Variants in RXFP3 observed in about 807,000 individuals in gnomAD.
The protein encoded by RXFP3 is relaxin family peptide receptor 3, also known as relaxin-3 receptor 1.
In RXFP3, 31 loss-of-function variants were observed where a neutral mutation model predicts 27.3. That is an observed-to-expected ratio of 1.13 (90% CI 0.85 to 1.53). RXFP3 has a LOEUF of 1.53. RXFP3 is among the 40% of genes most tolerant of loss of function. The pLI is 0.00. For missense variants in RXFP3, 684 were observed against 642.1 expected (o/e 1.07, Z -0.70); for synonymous variants, 351 against 293.6 (o/e 1.20, Z -2.00).
In RXFP3 at chr5:33,938,489, G is replaced by A. The variant is rs2111884676; in HGVS notation, c.*339G>A. Reference sequence around the variant, plus strand: ...AGAAGCGAAGACAAGCAGCAAAAATGTAGAGAAATTGGCACGGGGAGCGGG... The same window carrying A: ...AGAAGCGAAGACAAGCAGCAAAAATATAGAGAAATTGGCACGGGGAGCGGG... On this transcript the variant is annotated 3_prime_UTR_variant, in exon 1 of 1. Coordinates refer to ENST00000330120, the MANE Select transcript of RXFP3 (RefSeq NM_016568.3). Among the ~76,000 whole-genome samples the A allele has an allele frequency of 6.6e-6, 1 of 152,340 alleles. No individual in the cohort carries two copies. Among genetic ancestry groups the A allele is most frequent in the Non-Finnish European group, 1.5e-5 (1 of 68,032 alleles).
At position 33,936,648 on chromosome 5, in the gene RXFP3, G is replaced by C. The variant is rs1751669195; in HGVS notation, c.-93G>C. ...CAGTAGCTGCTTTGAAAGCTCCCAC[G>C]CACGTCCCGCAGGCTAGCCTGGCAA... is the stretch of plus-strand genomic sequence containing the variant. On this transcript the variant is annotated 5_prime_UTR_variant, in exon 1 of 1. Coordinates refer to ENST00000330120, the MANE Select transcript of RXFP3 (RefSeq NM_016568.3). 5.6e-6 allele frequency: 7 copies of C among 1,252,456 alleles called. No homozygotes were observed. The highest frequency in any genetic ancestry group is 7.6e-6 in the Non-Finnish European group (7 of 921,192). The allele number at this position is 1,252,456 out of a possible 1,614,324, so 77.6% of individuals were successfully genotyped here.
chr5:33,938,594 A>G lies in RXFP3; in HGVS notation c.*444A>G, dbSNP rs140453628. On this transcript the variant is annotated 3_prime_UTR_variant, in exon 1 of 1. Transcript: ENST00000330120. ...GGAGAGGGCAGCCGTCGGCACAAACACTCCTTTGCGTCTTGGCAAACGAGA... is the reference window on the plus strand; with the variant it reads ...GGAGAGGGCAGCCGTCGGCACAAACGCTCCTTTGCGTCTTGGCAAACGAGA... Among the ~76,000 whole-genome samples, 41 of 151,800 alleles carry G rather than the reference A, an allele frequency of 2.7e-4. No homozygotes were observed. The highest frequency in any genetic ancestry group is 3.4e-3 in the Middle Eastern group (1 of 294).
chr5:33,937,919 C>G lies in RXFP3; in HGVS notation c.1179C>G (p.Arg393=). ...CLNPVLYCLV[R]REFRKALKSL... ...ACCCCGTCCTCTACTGCCTCGTGCG[C>G]CGCGAGTTCCGCAAGGCGCTCAAGA... The change falls in exon 1 of 1, where the codon CGC becomes CGG. Residue 393 remains arginine (R), a synonymous_variant. Coordinates refer to ENST00000330120, the MANE Select transcript of RXFP3 (RefSeq NM_016568.3). 6.2e-7 allele frequency: 1 copy of G among 1,613,742 alleles called. No individual in the cohort carries two copies. Among genetic ancestry groups the G allele is most frequent in the Non-Finnish European group, 8.5e-7 (1 of 1,180,040 alleles).
Position 33,938,163 on chromosome 5 carries a change from G to A in RXFP3, c.*13G>A. ...CTCTGCCTACTGACGCAGGCCTCAG[G>A]CCCAGGGCGCGCCGTCGGGGCAAGG... On this transcript the variant is annotated 3_prime_UTR_variant, in exon 1 of 1. Transcript: ENST00000330120. The A allele has an allele frequency of 6.4e-7, 1 of 1,561,420 alleles. No individual in the cohort carries two copies. The highest frequency in any genetic ancestry group is 8.6e-7 in the Non-Finnish European group (1 of 1,156,890).
Position 33,937,666 on chromosome 5 carries a change from C to A in RXFP3, c.926C>A (p.Ala309Asp), listed in dbSNP as rs760708016. 1 of 1,608,250 alleles carries A rather than the reference C, an allele frequency of 6.2e-7. No homozygotes were observed. The highest frequency in any genetic ancestry group is 8.5e-7 in the Non-Finnish European group (1 of 1,177,670). ...GGGACCAAAGGAGGGGCCGCGGTAG[C>A]CGGAGGACGCCCGACCGGAGCCAGC... ...AAGTKGGAAV[A>D]GGRPTGASAR... Residue 309 changes from alanine to aspartate, a missense_variant, in exon 1 of 1, where the codon GCC (alanine) becomes GAC (aspartate). Transcript: ENST00000330120.
In RXFP3 at chr5:33,938,204, G is replaced by C; in HGVS notation, c.*54G>C. ...CGGGGCAAGGTGGCCTTCCCCGGGCGGTAAAGAGGTGAAAGGATGAAGGAG... is the reference window on the plus strand; with the variant it reads ...CGGGGCAAGGTGGCCTTCCCCGGGCCGTAAAGAGGTGAAAGGATGAAGGAG... On this transcript the variant is annotated 3_prime_UTR_variant, in exon 1 of 1. Coordinates refer to ENST00000330120, the MANE Select transcript of RXFP3 (RefSeq NM_016568.3). 6.7e-7 allele frequency: 1 copy of C among 1,485,166 alleles called. No homozygotes were observed. Among genetic ancestry groups the C allele is most frequent in the Non-Finnish European group, 9.0e-7 (1 of 1,107,268 alleles). 92.0% of individuals were successfully genotyped at this position (1,485,166 alleles called of 1,614,324 possible). A position where few individuals can be genotyped will look rare whatever the true frequency, so the allele number is the denominator to read the frequency against.
Position 33,937,625 on chromosome 5 carries a change from C to T in RXFP3, c.885C>T (p.Ala295=), listed in dbSNP as rs781568508. 2 of 1,587,888 alleles carry T rather than the reference C, an allele frequency of 1.3e-6. No homozygotes were observed. Among genetic ancestry groups the T allele is most frequent in the African/African-American group, 1.3e-5 (1 of 74,190 alleles). The change falls in exon 1 of 1, where the codon GCC becomes GCT. Residue 295 remains alanine, a synonymous_variant. Coordinates refer to ENST00000330120, the MANE Select transcript of RXFP3 (RefSeq NM_016568.3). ...LCYLLLVRFI[A]DRRAAGTKGG... ...ACCTGCTGCTGGTGCGCTTCATCGC[C>T]GACCGCCGCGCGGCGGGGACCAAAG...
Position 33,937,033 on chromosome 5 carries a change from G to A in RXFP3, c.293G>A (p.Gly98Asp), listed in dbSNP as rs759240562. The change falls in exon 1 of 1, where the codon GGC (glycine) becomes GAC (aspartate). Residue 98 changes from glycine (G) to aspartate (D), a missense_variant. Physicochemically the swap from Gly to Asp is moderately conservative, Grantham distance 94. Coordinates refer to ENST00000330120, the MANE Select transcript of RXFP3 (RefSeq NM_016568.3). ...YWVVCALGLA[G>D]NLLVLYLMKS... ...GTGGTGTGCGCCCTGGGGTTGGCGG[G>A]CAACCTGCTGGTTCTCTACCTGATG... 7.4e-6 allele frequency: 12 copies of A among 1,614,156 alleles called. No individual in the cohort carries two copies. The highest frequency in any genetic ancestry group is 8.5e-6 in the Non-Finnish European group (10 of 1,180,032).
Position 33,938,870 on chromosome 5 carries a change from C to A in RXFP3, c.*720C>A, listed in dbSNP as rs171631. Among the ~76,000 whole-genome samples, 24,999 of 152,206 alleles carry A rather than the reference C, an allele frequency of 0.16. 3,779 individuals are homozygous for A. Among genetic ancestry groups the A allele is most frequent in the African/African-American group, 0.4 (16,661 of 41,490 alleles). On this transcript the variant is annotated 3_prime_UTR_variant, in exon 1 of 1. Transcript: ENST00000330120. ...CTCAGACGTTAGCAGGGGGATAACA[C>A]CTGTCACCAGCTTGGGAGAGCCATT...
Position 33,937,273 on chromosome 5 carries a change from T to C in RXFP3, c.533T>C (p.Val178Ala). Residue 178 changes from valine (V) to alanine (A), a missense_variant, in exon 1 of 1, where the codon GTG becomes GCG. Transcript: ENST00000330120. ...ASVFFLTAMS[V>A]TRYHSVASAL... ...GTGTTCTTCCTCACTGCCATGAGTGTGACGCGCTACCATTCGGTGGCCTCG... is the reference window on the plus strand; with the variant it reads ...GTGTTCTTCCTCACTGCCATGAGTGCGACGCGCTACCATTCGGTGGCCTCG... 2 of 1,613,760 alleles carry C rather than the reference T, an allele frequency of 1.2e-6. No homozygotes were observed. The highest frequency in any genetic ancestry group is 1.7e-6 in the Non-Finnish European group (2 of 1,179,996).
rs567011579 is a variant in RXFP3 at position 33,938,011 on chromosome 5, C to T, written c.1271C>T (p.Pro424Leu). 19 of 1,612,892 alleles carry T rather than the reference C, an allele frequency of 1.2e-5. No individual in the cohort carries two copies. Among genetic ancestry groups the T allele is most frequent in the Non-Finnish European group, 1.5e-5 (18 of 1,179,956 alleles). Residue 424 changes from proline (P) to leucine (L), a missense_variant, in exon 1 of 1, where the codon CCG becomes CTG. Pro to Leu is a moderately conservative substitution (Grantham distance 98). Coordinates refer to ENST00000330120, the MANE Select transcript of RXFP3 (RefSeq NM_016568.3). ...SMRPFTATTK[P>L]EHEDQGLQAP... ...CGCCCCTTCACCGCCACTACCAAGC[C>T]GGAGCACGAGGATCAGGGGCTGCAG...
chr5:33,937,211 C>T lies in RXFP3; in HGVS notation c.471C>T (p.Ile157=), dbSNP rs776196112. The change falls in exon 1 of 1, where the codon ATC becomes ATT. Residue 157 remains isoleucine, a synonymous_variant. Transcript: ENST00000330120. ...KWPFGKAMCK[I]VSMVTSMNMY... ...CCTTCGGCAAGGCCATGTGTAAGAT[C>T]GTGTCCATGGTGACGTCCATGAACA... is the stretch of plus-strand genomic sequence containing the variant. 1.2e-6 allele frequency: 2 copies of T among 1,614,198 alleles called. No homozygotes were observed. Among genetic ancestry groups the T allele is most frequent in the African/African-American group, 1.3e-5 (1 of 75,076 alleles).
Position 33,936,963 on chromosome 5 carries a change from GAC to G in RXFP3, c.227_228del (p.Thr76ArgfsTer69). 1 of 1,609,992 alleles carries G rather than the reference GAC, an allele frequency of 6.2e-7. No homozygotes were observed. Among genetic ancestry groups the G allele is most frequent in the Non-Finnish European group, 8.5e-7 (1 of 1,177,058 alleles). On this transcript the variant is annotated frameshift_variant, in exon 1 of 1. Coordinates refer to ENST00000330120, the MANE Select transcript of RXFP3 (RefSeq NM_016568.3). LOFTEE classifies it high-confidence loss of function. Reference sequence around the variant, plus strand: ...GGGCAGCGGCGGGGCAGAGAGCGCGGACACAGAGGCCCGGGTGCGGATTCTCA... The same window carrying G: ...GGGCAGCGGCGGGGCAGAGAGCGCGGACAGAGGCCCGGGTGCGGATTCTCA... ...PPGSGGAESA[D>X]TEARVRILIS...
Position 33,938,852 on chromosome 5 carries a change from G to C in RXFP3, c.*702G>C, listed in dbSNP as rs1223767140. 6.6e-6 allele frequency among the ~76,000 whole-genome samples: 1 copy of C among 152,218 alleles called. No homozygotes were observed. The highest frequency in any genetic ancestry group is 2.4e-5 in the African/African-American group (1 of 41,464). The stretch of plus-strand genomic sequence containing the variant: ...AGCTGCACAGCCCCGGAGCTCAGAC[G>C]TTAGCAGGGGGATAACACCTGTCAC... On this transcript the variant is annotated 3_prime_UTR_variant, in exon 1 of 1. Transcript: ENST00000330120.
rs965528796 is a variant in RXFP3 at position 33,937,351 on chromosome 5, G to A, written c.611G>A (p.Arg204Gln). Residue 204 changes from arginine to glutamine, a missense_variant, in exon 1 of 1, where the codon CGG (arginine) becomes CAG (glutamine). By Grantham distance (43) the Arg-to-Gln change is conservative. Coordinates refer to ENST00000330120, the MANE Select transcript of RXFP3 (RefSeq NM_016568.3). ...RGHGRGDCCG[R>Q]SLGDSCCFSA... ...CACGGCCGGGGCGACTGCTGCGGCC[G>A]GAGCCTGGGGGACAGCTGCTGCTTC... 3.1e-6 allele frequency: 5 copies of A among 1,612,558 alleles called. No individual in the cohort carries two copies. In the African/African-American group the frequency reaches 4.0e-5, roughly 13 times the overall value.
Position 33,938,167 on chromosome 5 carries a change from A to C in RXFP3, c.*17A>C. ...GCCTACTGACGCAGGCCTCAGGCCC[A>C]GGGCGCGCCGTCGGGGCAAGGTGGC... On this transcript the variant is annotated 3_prime_UTR_variant, in exon 1 of 1. Transcript: ENST00000330120. 1 of 1,557,414 alleles carries C rather than the reference A, an allele frequency of 6.4e-7. No homozygotes were observed. The highest frequency in any genetic ancestry group is 8.7e-7 in the Non-Finnish European group (1 of 1,155,104).
chr5:33,937,962 G>T lies in RXFP3; in HGVS notation c.1222G>T (p.Ala408Ser). ...GCTCAAGAGCCTGCTGTGGCGCATC[G>T]CGTCTCCTTCGATCACCAGCATGCG... ...KALKSLLWRI[A>S]SPSITSMRPF... is the part of the protein sequence containing the mutation. Residue 408 changes from alanine to serine, a missense_variant, in exon 1 of 1, where the codon GCG becomes TCG. By Grantham distance (99) the Ala-to-Ser change is moderately conservative. Transcript: ENST00000330120. The T allele has an allele frequency of 6.2e-7, 1 of 1,613,276 alleles. No individual in the cohort carries two copies. The highest frequency in any genetic ancestry group is 8.5e-7 in the Non-Finnish European group (1 of 1,180,024).
rs1561348201 is a variant in RXFP3, at chr5:33,936,739, G to T, written c.-2G>T. On this transcript the variant is annotated 5_prime_UTR_variant, in exon 1 of 1. Transcript: ENST00000330120. ...CAGAACATGACCTAGAGGTACCTGC[G>T]CATGCAGATGGCCGATGCAGCCACG... The T allele has an allele frequency of 2.6e-6, 4 of 1,517,128 alleles. No individual in the cohort carries two copies. Among genetic ancestry groups the T allele is most frequent in the South Asian group, 2.6e-5 (2 of 76,264 alleles). 94.0% of individuals were successfully genotyped at this position (1,517,128 alleles called of 1,614,324 possible).
In RXFP3 at chr5:33,937,745, C is replaced by T; in HGVS notation, c.1005C>T (p.Phe335=). 6.2e-7 allele frequency: 1 copy of T among 1,614,090 alleles called. No homozygotes were observed. Among genetic ancestry groups the T allele is most frequent in the Non-Finnish European group, 8.5e-7 (1 of 1,180,028 alleles). ...CAGTGACCATCGTTGTCCTGTCCTTCTTCCTGTGTTGGCTGCCCAACCAGG... is the reference window on the plus strand; with the variant it reads ...CAGTGACCATCGTTGTCCTGTCCTTTTTCCTGTGTTGGCTGCCCAACCAGG... The part of the protein sequence containing the change: ...TKSVTIVVLS[F]FLCWLPNQAL... The change falls in exon 1 of 1, where the codon TTC becomes TTT. Residue 335 remains phenylalanine, a synonymous_variant. Coordinates refer to ENST00000330120, the MANE Select transcript of RXFP3 (RefSeq NM_016568.3).
Sources: allele counts gnomAD v4.1 joint callset (sites outside exome capture counted in the v4.1 genomes callset), GRCh38; gene constraint gnomAD v4.1.1; transcripts MANE v1.5; gene names NCBI Gene and HGNC (gene_info 2026-07-23, HGNC 2026-07-21).